Variants in ANO2 observed in about 807,000 individuals in gnomAD.
ANO2 encodes the protein anoctamin 2, also known as anoctamin-2.
Under a neutral mutation model 124.2 loss-of-function variants are expected in ANO2, and 101 were observed. That is an observed-to-expected ratio of 0.81 (90% CI 0.69 to 0.96). The LOEUF is 0.96. Ranked by LOEUF, ANO2 falls within the 40% of genes least tolerant of loss-of-function variation. The pLI, the probability that ANO2 is intolerant of heterozygous loss-of-function variation, is 0.00. For synonymous variants in ANO2, 486 were observed against 482.5 expected (o/e 1.01, Z -0.09); for missense variants, 1,293 against 1,274.5 (o/e 1.01, Z -0.22).
At chr12:5,755,731 G>C (rs1951563163) in intron 10 of ANO2, among the ~76,000 whole-genome samples, 1 of 152,150 alleles carries the variant, frequency 6.6e-6, no homozygotes, top group South Asian at 2.1e-4. Context: ...CAAAGGACAT[G>C]AACTCATCAT....
chr12:5,924,493 T>TC (rs577536987), intron 1 of ANO2, among the ~76,000 whole-genome samples: 68 of 152,134 alleles, frequency 4.5e-4, no homozygotes, highest in African/African-American at 1.6e-3. Flanking sequence ...CGGGAGGCAC[T>TC]CCCTAGGGAG....
In ANO2 at chr12:5,683,702, C is replaced by T. The variant is rs1006130752; in HGVS notation, c.1546-35901G>A. 5.3e-5 allele frequency among the ~76,000 whole-genome samples: 8 copies of T among 152,018 alleles called. No individual in the cohort carries two copies. The East Asian group carries it at 1.5e-3, about 29-fold the overall frequency. On this transcript the variant is annotated intron_variant, in intron 14 of 24. Coordinates refer to ENST00000682330, the MANE Select transcript of ANO2 (RefSeq NM_001364791.2). ...CTTAGAGGAAACCTGGTGCTGAAAC[C>T]GTGGTAGACTACAGAGTCACCAAAA...
intron 12 of ANO2, chr12:5,739,767 T>C (rs1215586184): frequency 4.8e-6 from 2 of 420,452 alleles, no homozygotes; most frequent in Non-Finnish European, 9.4e-6. Flanking sequence ...TGCCTACGCA[T>C]ACATTCTTTC....
chr12:5,905,373 T>C (rs1237855671), intron 3 of ANO2, among the ~76,000 whole-genome samples: 1 of 152,138 alleles, frequency 6.6e-6, no homozygotes, highest in Non-Finnish European at 1.5e-5. Context: ...CTTCATGGAG[T>C]GGTTTTAAAG....
At chr12:5,788,121 T>C (rs1167016085) in intron 10 of ANO2, among the ~76,000 whole-genome samples, 3 of 152,186 alleles carry the variant, frequency 2.0e-5, no homozygotes, top group Non-Finnish European at 2.9e-5. Context: ...CTGCTGAGTC[T>C]CTGTGAGCAG....
rs753542425 is a variant in ANO2 at position 5,921,353 on chromosome 12, T to G, written c.221A>C (p.Tyr74Ser). ...GGACACAGGCTCATTGGCATCCAGATAGTTGTTGATGACCTGGCCAGAGAG... is the reference window on the plus strand; with the variant it reads ...GGACACAGGCTCATTGGCATCCAGAGAGTTGTTGATGACCTGGCCAGAGAG... ...STRSSSVINNYLDANEPVSLE... is the reference protein window; with the variant it reads ...STRSSSVINNSLDANEPVSLE... The change falls in exon 3 of 25, where the codon TAT (tyrosine) becomes TCT (serine). Residue 74 changes from tyrosine (Y) to serine (S), a missense_variant. Coordinates refer to ENST00000682330, the MANE Select transcript of ANO2 (RefSeq NM_001364791.2). The G allele has an allele frequency of 6.2e-7, 1 of 1,613,488 alleles. No individual in the cohort carries two copies. The highest frequency in any genetic ancestry group is 1.7e-5 in the Admixed American group (1 of 60,000).
In ANO2 at chr12:5,565,650, G is replaced by T; in HGVS notation, c.2635C>A (p.Arg879=). 6.3e-7 allele frequency: 1 copy of T among 1,597,064 alleles called. No individual in the cohort carries two copies. ...GGGTTCGGGGCCCATGGCGGCTCTCGGTAATCCTTAAACCTGCCCAAAGAG... is the reference window on the plus strand; with the variant it reads ...GGGTTCGGGGCCCATGGCGGCTCTCTGTAATCCTTAAACCTGCCCAAAGAG... ...EVQFCRFKDY[R]EPPWAPNPYE... The change falls in exon 24 of 25, where the codon CGA becomes AGA. Residue 879 remains arginine, a synonymous_variant. Coordinates refer to ENST00000682330, the MANE Select transcript of ANO2 (RefSeq NM_001364791.2).
At chr12:5,744,120 A>G in intron 12 of ANO2, 37 bp downstream of exon 12, 1 of 1,611,574 alleles carries the variant, frequency 6.2e-7, no homozygotes, top group Non-Finnish European at 8.5e-7. Context: ...ATGTAAAGGA[A>G]CCACCCATAT....
At chr12:5,654,858 G>C (rs1947078411) in intron 14 of ANO2, among the ~76,000 whole-genome samples, 1 of 152,082 alleles carries the variant, frequency 6.6e-6, no homozygotes, top group South Asian at 2.1e-4. Context: ...TTCCAACAGA[G>C]CCACATAACA....
intron 14 of ANO2, among the ~76,000 whole-genome samples, chr12:5,663,339 G>A (rs758921541): frequency 1.4e-4 from 21 of 152,190 alleles, no homozygotes; most frequent in African/African-American, 2.4e-4. Flanking sequence ...TCCATTAAGC[G>A]GAGGAAATGA....
intron 16 of ANO2, among the ~76,000 whole-genome samples, chr12:5,617,594 G>C (rs1263414903): frequency 2.7e-5 from 4 of 148,876 alleles, no homozygotes; most frequent in Non-Finnish European, 5.9e-5. Context: ...ACACCCTCAA[G>C]ATCACGATGT....
intron 3 of ANO2, among the ~76,000 whole-genome samples, chr12:5,872,793 G>T (rs1937792574): frequency 6.6e-6 from 1 of 152,078 alleles, no homozygotes; most frequent in South Asian, 2.1e-4. Flanking sequence ...AAAGGAATGG[G>T]CTCTGGAACC....
In ANO2 at chr12:5,635,419, A is replaced by C; in HGVS notation, c.1621-72T>G. 1 of 1,216,232 alleles carries C rather than the reference A, an allele frequency of 8.2e-7. No individual in the cohort carries two copies. The highest frequency in any genetic ancestry group is 1.1e-6 in the Non-Finnish European group (1 of 907,840). 75.3% of individuals were successfully genotyped at this position (1,216,232 alleles called of 1,614,324 possible). On this transcript the variant is annotated intron_variant, in intron 15 of 24. Transcript: ENST00000682330. The surrounding 1 kb of genome is among the most constrained non-coding windows in gnomAD (Gnocchi z 5.2). ...AGCACCTACTATTTGCTCTGCCAAC[A>C]GTACCATTTGCTGTTATCAGATATT...
intron 3 of ANO2, among the ~76,000 whole-genome samples, chr12:5,863,849 A>G (rs888582555): frequency 6.6e-6 from 1 of 152,186 alleles, no homozygotes; most frequent in Non-Finnish European, 1.5e-5. Context: ...AATAAACATT[A>G]TTTACTTAAC....
At chr12:5,587,582 T>C (rs748305540) in intron 20 of ANO2, among the ~76,000 whole-genome samples, 3 of 152,290 alleles carry the variant, frequency 2.0e-5, no homozygotes, top group Non-Finnish European at 4.4e-5. Context: ...TGATGATTAA[T>C]GTCATGGCCA....
chr12:5,642,756 C>T (rs374543169), intron 15 of ANO2, among the ~76,000 whole-genome samples: 1 of 152,162 alleles, frequency 6.6e-6, no homozygotes, highest in African/African-American at 2.4e-5. Context: ...ACCTACAGGG[C>T]TCCTCGTTAC....
chr12:5,688,403 T>A (rs934809131), intron 14 of ANO2, among the ~76,000 whole-genome samples: 22 of 152,212 alleles, frequency 1.4e-4, no homozygotes, highest in African/African-American at 5.3e-4. Flanking sequence ...ATCAGAGGGC[T>A]TTCTTAATTA....
At chr12:5,709,974 T>C (rs1486703661) in intron 14 of ANO2, among the ~76,000 whole-genome samples, 1 of 152,080 alleles carries the variant, frequency 6.6e-6, no homozygotes, top group African/African-American at 2.4e-5. Flanking sequence ...TGAACACGCT[T>C]TGGGTGAGTG....
chr12:5,785,514 T>C (rs776184563), intron 10 of ANO2, among the ~76,000 whole-genome samples: 12 of 152,152 alleles, frequency 7.9e-5, no homozygotes, highest in Non-Finnish European at 1.6e-4. Context: ...ATTAAATTCA[T>C]CACTCACTGT....
Sources: allele counts gnomAD v4.1 joint callset (sites outside exome capture counted in the v4.1 genomes callset), GRCh38; gene constraint gnomAD v4.1.1; non-coding constraint Gnocchi (gnomAD v3.1); transcripts MANE v1.5; gene names NCBI Gene and HGNC (gene_info 2026-07-23, HGNC 2026-07-21).